Variants in CENPO observed in about 807,000 individuals in gnomAD.
CENPO encodes the protein centromeric protein O.
In CENPO, 30 loss-of-function variants were observed where a neutral mutation model predicts 36.1. The observed-to-expected ratio is 0.83, with a 90% CI of 0.62 to 1.13. The LOEUF is 1.13. Among genes scored for constraint, CENPO ranks in the 50% most tolerant of loss-of-function variants. CENPO has a pLI of 0.00. For synonymous variants in CENPO, 171 were observed against 142.3 expected, an observed-to-expected ratio of 1.20 and a Z score of -1.44; for missense variants, 349 against 357.8, an observed-to-expected ratio of 0.98 and a Z score of 0.20.
intron 3 of CENPO, among the ~76,000 whole-genome samples, chr2:24,811,533 C>G (rs894975009): frequency 6.6e-6 from 1 of 151,504 alleles, no homozygotes; most frequent in Non-Finnish European, 1.5e-5. Context: ...GCGGTCTCGG[C>G]TCACTGCAAG....
intron 2 of CENPO, among the ~76,000 whole-genome samples, chr2:24,799,412 G>A (rs780128129): frequency 1.1e-4 from 16 of 152,150 alleles, no homozygotes; most frequent in African/African-American, 1.9e-4. Context: ...CCTAATCAGC[G>A]TGTGATAGTT....
Position 24,820,132 on chromosome 2 carries a change from G to A in CENPO, c.*814G>A. 7.1e-7 allele frequency: 1 copy of A among 1,414,980 alleles called. No homozygotes were observed. The highest frequency in any genetic ancestry group is 9.4e-7 in the Non-Finnish European group (1 of 1,066,544). The allele number at this position is 1,414,980 out of a possible 1,614,324, so 87.7% of individuals were successfully genotyped here. A position where few individuals can be genotyped will look rare whatever the true frequency, so the allele number is the denominator to read the frequency against. The stretch of plus-strand genomic sequence containing the variant: ...TCTACCACCTGGAGAGGGAGGGGGA[G>A]CAAGAACGTGGCGTTACGGGGGGAG... On this transcript the variant is annotated 3_prime_UTR_variant, in exon 8 of 8. Coordinates refer to ENST00000380834, the MANE Select transcript of CENPO (RefSeq NM_001322101.2).
chr2:24,810,170 T>G (rs1247962516), intron 3 of CENPO, among the ~76,000 whole-genome samples: 1 of 152,240 alleles, frequency 6.6e-6, no homozygotes, highest in Non-Finnish European at 1.5e-5. Flanking sequence ...ATTCTATGTT[T>G]CTATATATAT....
At chr2:24,813,738 T>C (rs1345350083) in intron 3 of CENPO, among the ~76,000 whole-genome samples, 1 of 152,188 alleles carries the variant, frequency 6.6e-6, no homozygotes, top group African/African-American at 2.4e-5. Context: ...GTTTATGCCT[T>C]TCTATGTGGC....
Position 24,820,940 on chromosome 2 carries a change from GC to G in CENPO, c.*1623del, listed in dbSNP as rs1667556542. 1 of 1,524,528 alleles carries G rather than the reference GC, an allele frequency of 6.6e-7. No homozygotes were observed. The highest frequency in any genetic ancestry group is 1.3e-5 in the South Asian group (1 of 79,862). 94.4% of individuals were successfully genotyped at this position (1,524,528 alleles called of 1,614,324 possible). A position where few individuals can be genotyped will look rare whatever the true frequency, so the allele number is the denominator to read the frequency against. Reference sequence around the variant, plus strand: ...CTCCTCTCCAGACCTGTACCACAAAGCTCCTAATGTAACACATCATTGTCCT... The same window carrying G: ...CTCCTCTCCAGACCTGTACCACAAAGTCCTAATGTAACACATCATTGTCCT... On this transcript the variant is annotated 3_prime_UTR_variant, in exon 8 of 8. Coordinates refer to ENST00000380834, the MANE Select transcript of CENPO (RefSeq NM_001322101.2).
chr2:24,817,839 G>A lies in CENPO; in HGVS notation c.*33G>A. On this transcript the variant is annotated splice_region_variant and 3_prime_UTR_variant, in exon 7 of 8. Transcript: ENST00000380834. Reference sequence around the variant, plus strand: ...TTTTCACTGCACTGGGAGCACATCAGAGGTAAGTAACCAGTACTGAAGACA... The same window carrying A: ...TTTTCACTGCACTGGGAGCACATCAAAGGTAAGTAACCAGTACTGAAGACA... 1 of 1,613,548 alleles carries A rather than the reference G, an allele frequency of 6.2e-7. No individual in the cohort carries two copies. Among genetic ancestry groups the A allele is most frequent in the Non-Finnish European group, 8.5e-7 (1 of 1,179,764 alleles).
chr2:24,805,287 G>A (rs749036622), intron 3 of CENPO, among the ~76,000 whole-genome samples: 50 of 152,122 alleles, frequency 3.3e-4, no homozygotes, highest in Non-Finnish European at 6.2e-4. Context: ...CCTGTAGCTC[G>A]GAGTAGTTTG....
chr2:24,801,814 T>C (rs1367839427), intron 3 of CENPO, among the ~76,000 whole-genome samples: 1 of 152,214 alleles, frequency 6.6e-6, no homozygotes, highest in African/African-American at 2.4e-5. Flanking sequence ...ATGGGGGCTC[T>C]TTTTTGGTTC....
At position 24,819,953 on chromosome 2, in the gene CENPO, G is replaced by A. The variant is rs1667297232; in HGVS notation, c.*635G>A. 2 of 1,613,770 alleles carry A rather than the reference G, an allele frequency of 1.2e-6. No individual in the cohort carries two copies. The highest frequency in any genetic ancestry group is 8.5e-7 in the Non-Finnish European group (1 of 1,179,934). On this transcript the variant is annotated 3_prime_UTR_variant, in exon 8 of 8. Transcript: ENST00000380834. ...CCATTCAGGAGTTGTCCACCACCTG[G>A]TGGGGCAGTGTGACAGAGGGGCCAT...
intron 2 of CENPO, 99 bp from the exon 3 acceptor site, chr2:24,799,573 TAAA>T (rs34475213): frequency 1.3e-3 from 908 of 723,896 alleles, no homozygotes; most frequent in South Asian, 2.4e-3. Flanking sequence ...AAAGTTCTGG[TAAA>T]AAAAAAAAAA....
chr2:24,814,238 A>G (rs1047540191), intron 3 of CENPO, 138 bp from the exon 4 acceptor site: 5 of 675,942 alleles, frequency 7.4e-6, no homozygotes, highest in African/African-American at 3.6e-5. Flanking sequence ...ATTCATAGCA[A>G]TAACTGACCG....
In CENPO at chr2:24,819,896, C is replaced by T. The variant is rs1387367195; in HGVS notation, c.*578C>T. The T allele has an allele frequency of 2.5e-6, 4 of 1,600,972 alleles. No individual in the cohort carries two copies. Among genetic ancestry groups the T allele is most frequent in the Non-Finnish European group, 3.4e-6 (4 of 1,173,402 alleles). ...CCTTCAGTTTCAAAAAATAAATTCT[C>T]CCTTCCGGTTTGGACTGTTGCAGGC... On this transcript the variant is annotated 3_prime_UTR_variant, in exon 8 of 8. Coordinates refer to ENST00000380834, the MANE Select transcript of CENPO (RefSeq NM_001322101.2).
At chr2:24,794,045 C>A in intron 2 of CENPO, 80 bp downstream of exon 2, 1 of 1,106,592 alleles carries the variant, frequency 9.0e-7, no homozygotes, top group Non-Finnish European at 1.4e-6. Flanking sequence ...CCTCCTGGAA[C>A]TGACGTGGGA....
chr2:24,808,055 G>A (rs528881744), intron 3 of CENPO, among the ~76,000 whole-genome samples: 11 of 152,202 alleles, frequency 7.2e-5, no homozygotes, highest in Admixed American at 7.2e-4. Flanking sequence ...CTTAGACTGT[G>A]GCTTGTATTT....
chr2:24,812,931 A>G (rs953275517), intron 3 of CENPO, among the ~76,000 whole-genome samples: 2 of 131,188 alleles, frequency 1.5e-5, no homozygotes, highest in Non-Finnish European at 3.1e-5. Flanking sequence ...TTTTAATTCA[A>G]TGATGAGTAT....
intron 3 of CENPO, among the ~76,000 whole-genome samples, chr2:24,810,974 C>T (rs1315758975): frequency 6.7e-6 from 1 of 150,180 alleles, no homozygotes; most frequent in East Asian, 2.0e-4. Context: ...GACAGAGTCT[C>T]ACTCTGTCGC....
intron 3 of CENPO, among the ~76,000 whole-genome samples, chr2:24,810,786 G>A (rs1004126518): frequency 6.6e-6 from 1 of 152,020 alleles, no homozygotes; most frequent in Admixed American, 6.5e-5. Flanking sequence ...GGGATTACAG[G>A]TGTGAACCAC....
chr2:24,814,582 C>T (rs1666852823), intron 4 of CENPO, 89 bp downstream of exon 4: 5 of 741,838 alleles, frequency 6.7e-6, no homozygotes, highest in African/African-American at 1.7e-5. Context: ...GGAATTATTT[C>T]ATAATTTATA....
chr2:24,817,619 T>G, intron 6 of CENPO, 51 bp from the exon 7 acceptor site: 1 of 1,611,340 alleles, frequency 6.2e-7, no homozygotes, highest in Non-Finnish European at 8.5e-7. Flanking sequence ...TGATCCAGGC[T>G]CCGATTCCCC....
Sources: allele counts gnomAD v4.1 joint callset (sites outside exome capture counted in the v4.1 genomes callset), GRCh38; gene constraint gnomAD v4.1.1; transcripts MANE v1.5; gene names NCBI Gene and HGNC (gene_info 2026-07-23, HGNC 2026-07-21).